ITGB8: variants seen among roughly 807,000 people sequenced by gnomAD.
ITGB8 encodes integrin subunit beta 8.
In ITGB8, 30 loss-of-function variants were observed where a neutral mutation model predicts 89.5. That is an observed-to-expected ratio of 0.34 (90% CI 0.25 to 0.45). The LOEUF (loss-of-function observed/expected upper bound fraction) is 0.45. Ranked by LOEUF, ITGB8 falls within the 20% of genes least tolerant of loss-of-function variation. ITGB8 has a pLI of 1.00. For synonymous variants in ITGB8, 335 were observed against 320.4 expected (o/e 1.05, Z -0.49); for missense variants, 836 against 933.3 (o/e 0.90, Z 1.36).
At chr7:20,387,712 G>A (rs1273261398) in intron 6 of ITGB8, among the ~76,000 whole-genome samples, 1 of 152,150 alleles carries the variant, frequency 6.6e-6, no homozygotes, top group Non-Finnish European at 1.5e-5. Context: ...CAGCCCCTTT[G>A]TCAAATAAAA....
At chr7:20,398,750 C>T in intron 8 of ITGB8, 110 bp from the exon 9 acceptor site, 1 of 707,052 alleles carries the variant, frequency 1.4e-6, no homozygotes, top group Non-Finnish European at 2.1e-6. Context: ...GAAACAGACT[C>T]TTTGATCTAG....
intron 11 of ITGB8, 135 bp downstream of exon 11, chr7:20,404,988 A>G (rs1022669702): frequency 2.6e-6 from 2 of 756,904 alleles, no homozygotes; most frequent in African/African-American, 3.5e-5. Flanking sequence ...GAGAAATGCT[A>G]TGAATTAGAA....
chr7:20,350,884 A>C (rs954465169), intron 1 of ITGB8, among the ~76,000 whole-genome samples: 1 of 152,198 alleles, frequency 6.6e-6, no homozygotes, highest in Admixed American at 6.5e-5. Flanking sequence ...ATGGTTGTAA[A>C]AGGACAGCTC....
In ITGB8 at chr7:20,407,295, T is replaced by A. The variant is rs183024358; in HGVS notation, c.2023+1124T>A. Among the ~76,000 whole-genome samples, 9 of 152,038 alleles carry A rather than the reference T, an allele frequency of 5.9e-5. No homozygotes were observed. The East Asian group carries it at 1.7e-3, about 29-fold the overall frequency. ...TGAATCGCAAACTCATTATATTGTA[T>A]ACATTAATATGTGCAGTTTTTGTAT... On this transcript the variant is annotated intron_variant, in intron 12 of 13. Coordinates refer to ENST00000222573, the MANE Select transcript of ITGB8 (RefSeq NM_002214.3).
At chr7:20,367,330 C>A in intron 3 of ITGB8, 144 bp downstream of exon 3, 1 of 684,528 alleles carries the variant, frequency 1.5e-6, no homozygotes, top group Non-Finnish European at 2.5e-6. Context: ...AATTAGAATT[C>A]TAGTCTTTAT....
chr7:20,380,346 C>A, intron 4 of ITGB8: 1 of 212,220 alleles, frequency 4.7e-6, no homozygotes, highest in Non-Finnish European at 9.2e-6. Context: ...AATCACTGCA[C>A]ATTCTTATAT....
At chr7:20,372,563 G>T (rs1785977319) in intron 3 of ITGB8, among the ~76,000 whole-genome samples, 1 of 152,138 alleles carries the variant, frequency 6.6e-6, no homozygotes. Flanking sequence ...TGAGGCTGAA[G>T]CTCAGGGGAG....
At chr7:20,379,381 A>G in intron 4 of ITGB8, 84 bp downstream of exon 4, 1 of 846,744 alleles carries the variant, frequency 1.2e-6, no homozygotes, top group East Asian at 3.3e-5. Context: ...GAACTTACCA[A>G]ATTTTATATT....
chr7:20,382,959 T>C (rs1206733728), intron 6 of ITGB8, among the ~76,000 whole-genome samples: 1 of 152,212 alleles, frequency 6.6e-6, no homozygotes, highest in African/African-American at 2.4e-5. Context: ...CTCCAACTAG[T>C]TCTTCATTGG....
chr7:20,370,110 A>C (rs1051465204), intron 3 of ITGB8, among the ~76,000 whole-genome samples: 1 of 151,914 alleles, frequency 6.6e-6, no homozygotes, highest in Non-Finnish European at 1.5e-5. Flanking sequence ...ATGAAATGCA[A>C]AATAGGAAAA....
intron 6 of ITGB8, among the ~76,000 whole-genome samples, chr7:20,386,242 C>CA (rs903865646): frequency 7.8e-4 from 28 of 36,058 alleles, no homozygotes; most frequent in Middle Eastern, 0.019. Context: ...ACTATGAGAA[C>CA]ATTTTTTTTT....
rs560369337 is a variant in ITGB8 at position 20,331,007 on chromosome 7, A to T, written c.-800A>T. On this transcript the variant is annotated 5_prime_UTR_variant, in exon 1 of 14. Transcript: ENST00000222573. The stretch of plus-strand genomic sequence containing the variant: ...CCGCCCCGCGAAGCCGGGCTCCGGC[A>T]CCTCGCGGAACCTCCCCTCCTGCGC... 1 of 152,494 alleles carries T rather than the reference A, an allele frequency of 6.6e-6. No homozygotes were observed. Among genetic ancestry groups the T allele is most frequent in the Non-Finnish European group, 1.5e-5 (1 of 68,180 alleles). 9.4% of individuals were successfully genotyped at this position (152,494 alleles called of 1,614,324 possible). A position where few individuals can be genotyped will look rare whatever the true frequency, so the allele number is the denominator to read the frequency against.
chr7:20,347,322 G>A (rs528618861), intron 1 of ITGB8, among the ~76,000 whole-genome samples: 18 of 152,168 alleles, frequency 1.2e-4, no homozygotes, highest in Non-Finnish European at 2.1e-4. Flanking sequence ...GGGTAGTAAT[G>A]TGATCACTGT....
At chr7:20,336,559 T>C (rs892978678) in intron 1 of ITGB8, among the ~76,000 whole-genome samples, 1 of 152,174 alleles carries the variant, frequency 6.6e-6, no homozygotes, top group Non-Finnish European at 1.5e-5. Context: ...ATGTCACCTA[T>C]CTAGTAAGTA....
chr7:20,354,163 A>T (rs1296066010), intron 1 of ITGB8, among the ~76,000 whole-genome samples: 1 of 152,170 alleles, frequency 6.6e-6, no homozygotes, highest in Non-Finnish European at 1.5e-5. Flanking sequence ...TTAATTACAC[A>T]TTTACTGAGT....
intron 8 of ITGB8, among the ~76,000 whole-genome samples, chr7:20,395,247 C>A (rs1787023121): frequency 6.6e-6 from 1 of 152,188 alleles, no homozygotes; most frequent in Admixed American, 6.5e-5. Context: ...CCTTCTACAT[C>A]CAGTGCTCAG....
chr7:20,349,047 T>G (rs1488713968), intron 1 of ITGB8, among the ~76,000 whole-genome samples: 2 of 152,214 alleles, frequency 1.3e-5, no homozygotes, highest in Non-Finnish European at 2.9e-5. Flanking sequence ...TTTTTCAAAT[T>G]TCTACCGATG....
chr7:20,363,725 G>A lies in ITGB8; in HGVS notation c.213+3G>A. The A allele has an allele frequency of 1.3e-6, 2 of 1,502,974 alleles. No individual in the cohort carries two copies. Among genetic ancestry groups the A allele is most frequent in the Non-Finnish European group, 1.8e-6 (2 of 1,134,966 alleles). The allele number at this position is 1,502,974 out of a possible 1,614,324, so 93.1% of individuals were successfully genotyped here. ...AATGTGGATGGTGTGTTCAAGAGGTGTGCCATTTTTTTTTTTCTTTTTCTC... is the reference window on the plus strand; with the variant it reads ...AATGTGGATGGTGTGTTCAAGAGGTATGCCATTTTTTTTTTTCTTTTTCTC... On this transcript the variant is annotated splice_donor_region_variant and intron_variant, in intron 2 of 13. Coordinates refer to ENST00000222573, the MANE Select transcript of ITGB8 (RefSeq NM_002214.3).
chr7:20,371,868 A>G (rs1031579902), intron 3 of ITGB8, among the ~76,000 whole-genome samples: 1 of 152,328 alleles, frequency 6.6e-6, no homozygotes, highest in Middle Eastern at 3.4e-3. Context: ...ATTCACACAA[A>G]AAATTCGATG....
Sources: gnomAD v4.1 joint callset for allele counts (sites outside exome capture counted in the v4.1 genomes callset) on GRCh38, gnomAD v4.1.1 for gene constraint, MANE v1.5 for transcripts, NCBI Gene and HGNC (gene_info 2026-07-23, HGNC 2026-07-21) for gene names.